The following CHL1 variants were observed in gnomAD, a reference collection of about 807,000 sequenced individuals.
CHL1 encodes cell adhesion molecule L1 like.
In CHL1, 96 loss-of-function variants were observed where a neutral mutation model predicts 141.9. The observed-to-expected ratio is 0.68, with a 90% CI of 0.57 to 0.80. The LOEUF is 0.80. Ranked by LOEUF, CHL1 falls within the 30% of genes least tolerant of loss-of-function variation. CHL1 has a pLI of 0.00. For missense variants in CHL1, 1,820 were observed against 1,457.2 expected, an observed-to-expected ratio of 1.25 and a Z score of -4.05; for synonymous variants, 613 against 502.2, an observed-to-expected ratio of 1.22 and a Z score of -2.95.
chr3:383,115 T>C (rs1283375415), intron 18 of CHL1, among the ~76,000 whole-genome samples: 1 of 152,202 alleles, frequency 6.6e-6, no homozygotes, highest in East Asian at 1.9e-4. Context: ...TGAATTGTTA[T>C]TGATCATCAA....
At chr3:291,563 T>C (rs1697699524) in intron 2 of CHL1, among the ~76,000 whole-genome samples, 1 of 152,076 alleles carries the variant, frequency 6.6e-6, no homozygotes, top group South Asian at 2.1e-4. Context: ...GGATCACTGA[T>C]ATAAAACCTA....
chr3:259,909 A>T (rs17015118), intron 2 of CHL1, among the ~76,000 whole-genome samples: 8,308 of 152,172 alleles, frequency 0.055, 725 homozygotes, highest in African/African-American at 0.19. Flanking sequence ...AATTTTAGCA[A>T]GACTGAAAGT....
At chr3:209,422 A>C (rs1198935223) in intron 1 of CHL1, among the ~76,000 whole-genome samples, 1 of 152,204 alleles carries the variant, frequency 6.6e-6, no homozygotes, top group African/African-American at 2.4e-5. Flanking sequence ...GTCATTAAGA[A>C]ATTATTTTAA....
Position 342,505 on chromosome 3 carries a change from C to T in CHL1, c.679+423C>T, listed in dbSNP as rs116044019. Reference sequence around the variant, plus strand: ...AAACTGGCAAACTTACTTGAATCACCCTTTCCCGACTTGATTCTGTGGAGG... The same window carrying T: ...AAACTGGCAAACTTACTTGAATCACTCTTTCCCGACTTGATTCTGTGGAGG... On this transcript the variant is annotated intron_variant, in intron 7 of 27. Coordinates refer to ENST00000256509, the MANE Select transcript of CHL1 (RefSeq NM_006614.4). Among the ~76,000 whole-genome samples the T allele has an allele frequency of 3.5e-3, 539 of 152,152 alleles. 2 individuals carry two copies. The highest frequency in any genetic ancestry group is 9.9e-3 in the African/African-American group (412 of 41,502).
chr3:250,728 G>T (rs941539943), intron 2 of CHL1, among the ~76,000 whole-genome samples: 1 of 152,018 alleles, frequency 6.6e-6, no homozygotes, highest in Non-Finnish European at 1.5e-5. Flanking sequence ...ATCTCTTTCA[G>T]TTCCTATTTA....
At chr3:252,169 G>T (rs1012530921) in intron 2 of CHL1, among the ~76,000 whole-genome samples, 1 of 151,232 alleles carries the variant, frequency 6.6e-6, no homozygotes, top group African/African-American at 2.4e-5. Context: ...TCTAGAAAAG[G>T]GAAAACTATT....
At chr3:350,475 G>A (rs1272202907) in intron 10 of CHL1, among the ~76,000 whole-genome samples, 1 of 152,114 alleles carries the variant, frequency 6.6e-6, no homozygotes, top group East Asian at 1.9e-4. Flanking sequence ...CTACTGAAAG[G>A]AATTATTCTT....
chr3:244,317 C>T (rs1692952804), intron 1 of CHL1, among the ~76,000 whole-genome samples: 1 of 152,166 alleles, frequency 6.6e-6, no homozygotes, highest in Non-Finnish European at 1.5e-5. Context: ...TTGCAAAATA[C>T]GTGAATTCAT....
At chr3:282,070 T>C (rs971131828) in intron 2 of CHL1, among the ~76,000 whole-genome samples, 9 of 152,214 alleles carry the variant, frequency 5.9e-5, no homozygotes, top group Non-Finnish European at 1.2e-4. Context: ...TTTTATTCCT[T>C]CATATCTGCC....
At position 355,753 on chromosome 3, in the gene CHL1, G is replaced by A. The variant is rs899430737; in HGVS notation, c.1165+982G>A. ...TAAACTGCAAAATGGAGATAGTGGCGGTTGGTTGTGCTTGAATGAAAAAAA... is the reference window on the plus strand; with the variant it reads ...TAAACTGCAAAATGGAGATAGTGGCAGTTGGTTGTGCTTGAATGAAAAAAA... On this transcript the variant is annotated intron_variant, in intron 11 of 27. Coordinates refer to ENST00000256509, the MANE Select transcript of CHL1 (RefSeq NM_006614.4). Among the ~76,000 whole-genome samples the A allele has an allele frequency of 3.3e-4, 50 of 152,048 alleles. 1 individual carries two copies. The highest frequency in any genetic ancestry group is 1.3e-4 in the Admixed American group (2 of 15,228).
chr3:345,415 C>A (rs949642228), intron 9 of CHL1, among the ~76,000 whole-genome samples: 7 of 151,952 alleles, frequency 4.6e-5, no homozygotes, highest in African/African-American at 1.2e-4. Context: ...ATTAAGTGAA[C>A]TTTCTTTACA....
intron 2 of CHL1, among the ~76,000 whole-genome samples, chr3:260,135 G>A (rs1369176120): frequency 3.9e-5 from 6 of 151,956 alleles, no homozygotes; most frequent in African/African-American, 9.7e-5. Flanking sequence ...GTGGTGGCGC[G>A]GACCTGTAAT....
intron 2 of CHL1, among the ~76,000 whole-genome samples, chr3:248,803 A>G (rs1305754319): frequency 6.6e-6 from 1 of 152,192 alleles, no homozygotes; most frequent in Admixed American, 6.6e-5. Context: ...TTAAAGAATA[A>G]AAGATACTGA....
At chr3:228,496 C>A (rs1435484190) in intron 1 of CHL1, among the ~76,000 whole-genome samples, 2 of 152,186 alleles carry the variant, frequency 1.3e-5, no homozygotes, top group African/African-American at 2.4e-5. Flanking sequence ...CACACACACA[C>A]ACACACAGCA....
At chr3:397,424 C>T (rs573003988) in intron 24 of CHL1, among the ~76,000 whole-genome samples, 1 of 151,722 alleles carries the variant, frequency 6.6e-6, no homozygotes, top group Admixed American at 6.5e-5. Flanking sequence ...ATTTCATAAC[C>T]CCTTGTAGTC....
rs779131290 is a variant in CHL1, at chr3:328,321, G to T, written c.352G>T (p.Ala118Ser). The change falls in exon 5 of 28, where the codon GCT (alanine) becomes TCT (serine). Residue 118 changes from alanine to serine, a missense_variant. By Grantham distance (99) the Ala-to-Ser change is moderately conservative (BLOSUM62 1). Coordinates refer to ENST00000256509, the MANE Select transcript of CHL1 (RefSeq NM_006614.4). The stretch of plus-strand genomic sequence containing the variant: ...CTTTGCTTCAAATAAACTGGGAATC[G>T]CTATGTCAGAAGAAATAGAATTTAT... ...RCFASNKLGI[A>S]MSEEIEFIVP... 2 of 1,611,444 alleles carry T rather than the reference G, an allele frequency of 1.2e-6. No homozygotes were observed. The highest frequency in any genetic ancestry group is 1.7e-6 in the Non-Finnish European group (2 of 1,178,572).
chr3:385,394 G>T (rs1195850989), intron 19 of CHL1, among the ~76,000 whole-genome samples: 2 of 152,152 alleles, frequency 1.3e-5, no homozygotes, highest in Non-Finnish European at 1.5e-5. Context: ...CAGATGCCAT[G>T]GGCTGAGTCA....
At chr3:382,069 C>T in intron 16 of CHL1, 110 bp from the exon 17 acceptor site, 1 of 814,074 alleles carries the variant, frequency 1.2e-6, no homozygotes, top group East Asian at 2.8e-5. Flanking sequence ...TTCCCAGGTC[C>T]CTAAGAGGGT....
At chr3:326,788 T>C (rs1559259338) in intron 4 of CHL1, among the ~76,000 whole-genome samples, 1 of 151,932 alleles carries the variant, frequency 6.6e-6, no homozygotes, top group African/African-American at 2.4e-5. Context: ...TTATTCTGCA[T>C]GATTATCTTA....
Sources: allele counts gnomAD v4.1 joint callset (sites outside exome capture counted in the v4.1 genomes callset), GRCh38; gene constraint gnomAD v4.1.1; transcripts MANE v1.5; gene names NCBI Gene and HGNC (gene_info 2026-07-23, HGNC 2026-07-21).